The following SLC35F2 variants were observed in gnomAD, a reference collection of about 807,000 sequenced individuals.
The protein encoded by SLC35F2 is queuine/queuosine transporter SLC35F2.
In SLC35F2, 25 loss-of-function variants were observed where a neutral mutation model predicts 38.1. The observed-to-expected ratio is 0.66, with a 90% CI of 0.48 to 0.92. The LOEUF (loss-of-function observed/expected upper bound fraction) is 0.92, where lower values mean the gene tolerates loss of function less well. Among genes scored for constraint, SLC35F2 ranks in the 40% least tolerant of loss-of-function variants. The pLI is 0.00. For synonymous variants in SLC35F2, 173 were observed against 181.7 expected, an observed-to-expected ratio of 0.95 and a Z score of 0.38; for missense variants, 409 against 452.9, an observed-to-expected ratio of 0.90 and a Z score of 0.88.
intron 7 of SLC35F2, among the ~76,000 whole-genome samples, chr11:107,796,981 G>T (rs188514110): frequency 2.0e-5 from 3 of 152,208 alleles, no homozygotes; most frequent in Admixed American, 1.3e-4. Context: ...CCTAAGGGAC[G>T]TTGTTTAATG....
chr11:107,810,415 C>T (rs1290337171), intron 3 of SLC35F2: 5 of 984,836 alleles, frequency 5.1e-6, no homozygotes, highest in Non-Finnish European at 6.0e-6. Flanking sequence ...GATCAAAGTT[C>T]CTGGGAATTG....
chr11:107,825,379 C>CTT (rs572239452), intron 1 of SLC35F2, among the ~76,000 whole-genome samples: 2 of 84,662 alleles, frequency 2.4e-5, no homozygotes, highest in African/African-American at 4.0e-5. Context: ...TTTTTTTTTT[C>CTT]TTTTTTTTTT....
intron 1 of SLC35F2, among the ~76,000 whole-genome samples, chr11:107,824,150 A>C (rs1859719063): frequency 6.6e-6 from 1 of 152,152 alleles, no homozygotes; most frequent in South Asian, 2.1e-4. Flanking sequence ...AGTAGCTAAA[A>C]AAGTCAAATT....
chr11:107,831,917 G>C (rs1321703454), intron 1 of SLC35F2, among the ~76,000 whole-genome samples: 1 of 152,158 alleles, frequency 6.6e-6, no homozygotes, highest in Non-Finnish European at 1.5e-5. Context: ...ATAAGGTTTT[G>C]CCAAAACCAC....
chr11:107,843,136 G>A (rs1042243425), intron 1 of SLC35F2, among the ~76,000 whole-genome samples: 1 of 152,120 alleles, frequency 6.6e-6, no homozygotes, highest in African/African-American at 2.4e-5. Context: ...AAATACAGAG[G>A]TACAAAGCAA....
At position 107,815,918 on chromosome 11, in the gene SLC35F2, A is replaced by C. The variant is rs1859564911; in HGVS notation, c.158T>G (p.Ile53Arg). The stretch of plus-strand genomic sequence containing the variant: ...CTGGCTGGTGATGGCTGTCCCACAT[A>C]TACACAAGGACAACATCTGACCCAG... Reference protein sequence around the residue: ...IALGQMLSLCICGTAITSQYL... With the variant: ...IALGQMLSLCRCGTAITSQYL... The change falls in exon 2 of 8, where the codon ATA (isoleucine) becomes AGA (arginine). Residue 53 changes from isoleucine (I) to arginine (R), a missense_variant. Ile to Arg is a moderately conservative substitution (Grantham distance 97). Transcript: ENST00000525815. The C allele has an allele frequency of 1.2e-6, 2 of 1,613,972 alleles. No homozygotes were observed. The highest frequency in any genetic ancestry group is 1.7e-5 in the Admixed American group (1 of 59,970).
chr11:107,849,624 G>A (rs1294376322), intron 1 of SLC35F2, among the ~76,000 whole-genome samples: 3 of 135,926 alleles, frequency 2.2e-5, no homozygotes, highest in Non-Finnish European at 4.6e-5. Flanking sequence ...GGGCGACAGA[G>A]CAAGACTCCG....
chr11:107,847,878 G>C (rs1419526818), intron 1 of SLC35F2, among the ~76,000 whole-genome samples: 1 of 152,192 alleles, frequency 6.6e-6, no homozygotes, highest in Non-Finnish European at 1.5e-5. Flanking sequence ...GACATTCTGG[G>C]AGGTGAGCCT....
intron 7 of SLC35F2, 69 bp from the exon 8 acceptor site, chr11:107,792,869 C>G (rs1859155063): frequency 6.9e-7 from 1 of 1,447,900 alleles, no homozygotes; most frequent in African/African-American, 1.5e-5. Flanking sequence ...CTTTTGCCAA[C>G]TGTGCTTCGA....
At position 107,837,525 on chromosome 11, in the gene SLC35F2, T is replaced by TAA. The variant is rs57873203; in HGVS notation, c.110+21131_110+21132dup. On this transcript the variant is annotated intron_variant, in intron 1 of 7. Coordinates refer to ENST00000525815, the MANE Select transcript of SLC35F2 (RefSeq NM_017515.5). ...CAACATGGAGAAGCCCTGTCTCTACTAAAAAAAAAAAAAAAAAAATTAGCT... is the reference window on the plus strand; with the variant it reads ...CAACATGGAGAAGCCCTGTCTCTACTAAAAAAAAAAAAAAAAAAAAATTAGCT... Among the ~76,000 whole-genome samples, 23 of 121,824 alleles carry TAA rather than the reference T, an allele frequency of 1.9e-4. 2 individuals carry two copies. Among genetic ancestry groups the TAA allele is most frequent in the Admixed American group, 2.6e-4 (3 of 11,494 alleles). The allele number at this position is 121,824 out of a possible 152,430, so 79.9% of individuals were successfully genotyped here. A position where few individuals can be genotyped will look rare whatever the true frequency, so the allele number is the denominator to read the frequency against.
chr11:107,847,113 T>A (rs1311088524), intron 1 of SLC35F2, among the ~76,000 whole-genome samples: 1 of 152,014 alleles, frequency 6.6e-6, no homozygotes, highest in Non-Finnish European at 1.5e-5. Flanking sequence ...TGCAGTGGAG[T>A]GCCTTTGAAA....
chr11:107,852,550 CAAAA>C (rs550992360), intron 1 of SLC35F2, among the ~76,000 whole-genome samples: 3 of 58,456 alleles, frequency 5.1e-5, no homozygotes, highest in South Asian at 7.2e-4. Flanking sequence ...GACTCCACCT[CAAAA>C]AAAAAAAAAA....
intron 1 of SLC35F2, among the ~76,000 whole-genome samples, chr11:107,836,410 A>G (rs764462679): frequency 1.6e-4 from 25 of 152,058 alleles, no homozygotes; most frequent in Non-Finnish European, 2.5e-4. Flanking sequence ...TGGTCCTCCA[A>G]AAGTGTCCAC....
chr11:107,846,440 AT>A lies in SLC35F2; in HGVS notation c.110+12217del, dbSNP rs570439087. On this transcript the variant is annotated intron_variant, in intron 1 of 7. Transcript: ENST00000525815. The stretch of plus-strand genomic sequence containing the variant: ...AATATGCCATGAAAATTTTTAAGTA[AT>A]TTTTTTTTTCTTGGCAAAATCTCCA... Among the ~76,000 whole-genome samples the A allele has an allele frequency of 6.4e-3, 967 of 150,736 alleles. 8 individuals are homozygous for A. Among genetic ancestry groups the A allele is most frequent in the African/African-American group, 7.1e-3 (293 of 41,178 alleles).
intron 3 of SLC35F2, among the ~76,000 whole-genome samples, chr11:107,809,329 C>CAA (rs61511493): frequency 5.4e-4 from 52 of 96,106 alleles, no homozygotes; most frequent in Non-Finnish European, 8.0e-4. Context: ...ACTCAAAATA[C>CAA]AAAAAAAAAA....
chr11:107,828,065 T>C (rs1465134217), intron 1 of SLC35F2, among the ~76,000 whole-genome samples: 1 of 152,164 alleles, frequency 6.6e-6, no homozygotes, highest in Non-Finnish European at 1.5e-5. Context: ...ATTGAATCTA[T>C]GACAAAAATA....
At chr11:107,827,942 A>G (rs1859781317) in intron 1 of SLC35F2, among the ~76,000 whole-genome samples, 1 of 152,178 alleles carries the variant, frequency 6.6e-6, no homozygotes, top group Non-Finnish European at 1.5e-5. Context: ...TAAGTAAACA[A>G]AAATAAAAAG....
intron 1 of SLC35F2, among the ~76,000 whole-genome samples, chr11:107,846,276 A>G (rs568274329): frequency 2.0e-5 from 3 of 152,154 alleles, no homozygotes; most frequent in Non-Finnish European, 4.4e-5. Context: ...CAGACAAATA[A>G]TCCATATCAA....
At chr11:107,825,517 G>A (rs112617093) in intron 1 of SLC35F2, among the ~76,000 whole-genome samples, 31 of 151,908 alleles carry the variant, frequency 2.0e-4, no homozygotes, top group African/African-American at 6.3e-4. Context: ...GATTACAGGC[G>A]CCTGCCACCA....
Sources: allele counts gnomAD v4.1 joint callset (sites outside exome capture counted in the v4.1 genomes callset), GRCh38; gene constraint gnomAD v4.1.1; transcripts MANE v1.5; gene names NCBI Gene and HGNC (gene_info 2026-07-23, HGNC 2026-07-21).